The following AFF3 variants were observed in gnomAD, a reference collection of about 807,000 sequenced individuals.
AFF3 encodes the protein ALF transcription elongation factor 3.
In AFF3, 32 loss-of-function variants were observed where a neutral mutation model predicts 129.7. The observed-to-expected ratio is 0.25, with a 90% CI of 0.19 to 0.33. The LOEUF (loss-of-function observed/expected upper bound fraction) is 0.33, where lower values mean the gene tolerates loss of function less well. Among genes scored for constraint, AFF3 ranks in the 10% least tolerant of loss-of-function variants. The pLI is 1.00. For synonymous variants in AFF3, 644 were observed against 635.4 expected, an observed-to-expected ratio of 1.01 and a Z score of -0.20; for missense variants, 1,373 against 1,592.0, an observed-to-expected ratio of 0.86 and a Z score of 2.34.
intron 7 of AFF3, among the ~76,000 whole-genome samples, chr2:99,951,938 TG>T (rs1676205405): frequency 6.6e-6 from 1 of 152,230 alleles, no homozygotes; most frequent in African/African-American, 2.4e-5. Context: ...TTTGCAACCC[TG>T]GAACTGACTG....
chr2:99,843,600 G>T (rs1251880240), intron 7 of AFF3, among the ~76,000 whole-genome samples: 4 of 152,044 alleles, frequency 2.6e-5, no homozygotes, highest in African/African-American at 9.7e-5. Flanking sequence ...TCAATTTTAG[G>T]GTCCTTTTAA....
At chr2:99,558,043 CTGAGA>C (rs1675113270) in intron 22 of AFF3, among the ~76,000 whole-genome samples, 1 of 152,152 alleles carries the variant, frequency 6.6e-6, no homozygotes, top group African/African-American at 2.4e-5. Flanking sequence ...ATTTCATTCC[CTGAGA>C]TAAGTAAAAG....
intron 4 of AFF3, among the ~76,000 whole-genome samples, chr2:100,069,265 G>T (rs1687977795): frequency 6.6e-6 from 1 of 151,984 alleles, no homozygotes; most frequent in South Asian, 2.1e-4. Flanking sequence ...AATCAAATGG[G>T]GAAACTACTT....
intron 7 of AFF3, among the ~76,000 whole-genome samples, chr2:99,840,820 G>A (rs1689263909): frequency 6.6e-6 from 1 of 152,164 alleles, no homozygotes; most frequent in Non-Finnish European, 1.5e-5. Flanking sequence ...TCGGGCCGGG[G>A]GGCTTGATGG....
chr2:100,101,266 T>G (rs888553909), intron 4 of AFF3, among the ~76,000 whole-genome samples: 1 of 152,188 alleles, frequency 6.6e-6, no homozygotes, highest in African/African-American at 2.4e-5. Context: ...TCCCTTTTTA[T>G]TTTCTATAAG....
chr2:99,728,039 T>C (rs1469305320), intron 10 of AFF3, among the ~76,000 whole-genome samples: 2 of 152,234 alleles, frequency 1.3e-5, no homozygotes, highest in Non-Finnish European at 2.9e-5. Flanking sequence ...GAAATGCTTC[T>C]GTGGGCTGTG....
chr2:99,996,410 AGTT>A (rs905391336), intron 7 of AFF3, among the ~76,000 whole-genome samples: 10 of 151,372 alleles, frequency 6.6e-5, no homozygotes, highest in Non-Finnish European at 1.2e-4. Context: ...TTTTTGTTGT[AGTT>A]GTTGTTGTTG....
At position 99,560,490 on chromosome 2, in the gene AFF3, T is replaced by G. The variant is rs944819082; in HGVS notation, c.3120-54A>C. The stretch of plus-strand genomic sequence containing the variant: ...ATAAAAAACATAAAAAGCAAAGAAA[T>G]AGTAAAACTAGCTTTTTTATTAACA... On this transcript the variant is annotated intron_variant, in intron 20 of 24. Coordinates refer to ENST00000672756, the MANE Select transcript of AFF3 (RefSeq NM_001386135.1). The G allele has an allele frequency of 1.2e-5, 18 of 1,520,536 alleles. No individual in the cohort carries two copies. In the Middle Eastern group the frequency reaches 9.1e-4, roughly 77 times the overall value. The allele number at this position is 1,520,536 out of a possible 1,614,324, so 94.2% of individuals were successfully genotyped here. A position where few individuals can be genotyped will look rare whatever the true frequency, so the allele number is the denominator to read the frequency against.
At chr2:99,711,691 G>GT (rs1677907338) in intron 11 of AFF3, among the ~76,000 whole-genome samples, 1 of 152,220 alleles carries the variant, frequency 6.6e-6, no homozygotes, top group African/African-American at 2.4e-5. Context: ...GCCATCCTTT[G>GT]TAGTATCCTG....
At chr2:100,017,650 T>A (rs1439716810) in intron 4 of AFF3, among the ~76,000 whole-genome samples, 1 of 152,340 alleles carries the variant, frequency 6.6e-6, no homozygotes, top group South Asian at 2.1e-4. Flanking sequence ...ATCTGGCCCA[T>A]GTTAAATGTT....
intron 7 of AFF3, among the ~76,000 whole-genome samples, chr2:99,866,472 G>A (rs11691830): frequency 0.49 from 74,078 of 151,928 alleles, 18,547 homozygotes; most frequent in African/African-American, 0.58. Context: ...GTCAAGGGAC[G>A]CTGGATGGTG....
At chr2:99,817,150 C>T (rs867111121) in intron 8 of AFF3, among the ~76,000 whole-genome samples, 12 of 152,282 alleles carry the variant, frequency 7.9e-5, no homozygotes, top group East Asian at 5.8e-4. Flanking sequence ...TCAACTTCCT[C>T]GGTCAAGACC....
intron 13 of AFF3, among the ~76,000 whole-genome samples, chr2:99,609,996 A>G (rs1173352824): frequency 3.3e-5 from 5 of 152,114 alleles, no homozygotes; most frequent in African/African-American, 9.7e-5. Flanking sequence ...CCCTGCCCCA[A>G]CTGACCGATC....
At chr2:99,629,576 T>A (rs913702646) in intron 13 of AFF3, among the ~76,000 whole-genome samples, 2 of 152,234 alleles carry the variant, frequency 1.3e-5, no homozygotes, top group South Asian at 2.1e-4. Context: ...GCTTTCCTTT[T>A]TTAGAACAGG....
intron 7 of AFF3, among the ~76,000 whole-genome samples, chr2:100,001,368 T>C (rs897583101): frequency 6.6e-6 from 1 of 152,336 alleles, no homozygotes; most frequent in East Asian, 1.9e-4. Context: ...CACAAGACTA[T>C]AGAAACTGAA....
chr2:99,605,516 G>A (rs1256116842), intron 13 of AFF3, among the ~76,000 whole-genome samples: 6 of 152,206 alleles, frequency 3.9e-5, no homozygotes, highest in Non-Finnish European at 8.8e-5. Flanking sequence ...GGGGTCAGCT[G>A]ACCATTCTGG....
intron 15 of AFF3, 31 bp downstream of exon 15, chr2:99,593,164 G>A (rs1558615192): frequency 7.9e-6 from 12 of 1,527,018 alleles, no homozygotes; most frequent in East Asian, 4.5e-5. Flanking sequence ...TCCCCTCCAC[G>A]CCCCCGCACC....
chr2:99,852,359 A>G (rs970185088), intron 7 of AFF3, among the ~76,000 whole-genome samples: 1 of 152,202 alleles, frequency 6.6e-6, no homozygotes, highest in African/African-American at 2.4e-5. Flanking sequence ...AAACAAAACA[A>G]AACAAAAAAC....
At chr2:99,777,947 C>CAAAAAAAAAAAAAAAAAAAAAGAAAAAA (rs1684053969) in intron 8 of AFF3, among the ~76,000 whole-genome samples, 1 of 48,340 alleles carries the variant, frequency 2.1e-5, no homozygotes, top group Non-Finnish European at 3.8e-5. Context: ...AAAGCAAAAG[C>CAAAAAAAAAAAAAAAAAAAAAGAAAAAA]AAAAAAAAAA....
Sources: allele counts gnomAD v4.1 joint callset (sites outside exome capture counted in the v4.1 genomes callset), GRCh38; gene constraint gnomAD v4.1.1; transcripts MANE v1.5; gene names NCBI Gene and HGNC (gene_info 2026-07-23, HGNC 2026-07-21).